Variants in PRDX3 observed in about 807,000 individuals in gnomAD.
The protein encoded by PRDX3 is peroxiredoxin 3.
In PRDX3, 20 loss-of-function variants were observed where a neutral mutation model predicts 30.4. The ratio of observed to expected loss-of-function variants is 0.66; its 90% CI spans 0.46 to 0.96. The LOEUF (loss-of-function observed/expected upper bound fraction) is 0.96. Among genes scored for constraint, PRDX3 ranks in the 40% least tolerant of loss-of-function variants. The probability of loss-of-function intolerance (pLI) is 0.00; values close to 1 mark genes in which losing one functional copy is unlikely to be tolerated. For synonymous variants in PRDX3, 124 were observed against 117.8 expected (o/e 1.05, Z -0.34); for missense variants, 322 against 318.3 (o/e 1.01, Z -0.09).
rs1382872701 is a variant in PRDX3, at chr10:119,177,056, C to A, written c.134G>T (p.Cys45Phe). The change falls in exon 2 of 7, where the codon TGT (cysteine) becomes TTT (phenylalanine). Residue 45 changes from cysteine (C) to phenylalanine (F), a missense_variant. Transcript: ENST00000298510. ...CGRTSLTNLL[C>F]SGSSQAKLFS... is the part of the protein sequence containing the mutation. ...TAATTTTGCTTGACTGGAACCAGAA[C>A]ACAATAAATTTGTCAAGCTCGTTCT... is the stretch of plus-strand genomic sequence containing the variant. The A allele has an allele frequency of 3.1e-6, 5 of 1,613,986 alleles. No homozygotes were observed. The highest frequency in any genetic ancestry group is 4.2e-6 in the Non-Finnish European group (5 of 1,179,974).
intron 5 of PRDX3, among the ~76,000 whole-genome samples, chr10:119,172,163 T>G (rs571406208): frequency 3.9e-5 from 6 of 152,222 alleles, no homozygotes; most frequent in African/African-American, 1.4e-4. Context: ...AGGGATGAGG[T>G]CTCACTATGT....
At chr10:119,172,955 T>C (rs1264504843) in intron 4 of PRDX3, among the ~76,000 whole-genome samples, 1 of 152,036 alleles carries the variant, frequency 6.6e-6, no homozygotes, top group Admixed American at 6.5e-5. Flanking sequence ...TTTATTTATT[T>C]TGAGATGGAG....
chr10:119,168,608 C>T, intron 6 of PRDX3, 75 bp from the exon 7 acceptor site: 2 of 1,574,086 alleles, frequency 1.3e-6, no homozygotes, highest in Non-Finnish European at 1.7e-6. Context: ...TGGCAATCTC[C>T]CAATTTTTAA....
chr10:119,175,109 A>G (rs1392802327), intron 2 of PRDX3, among the ~76,000 whole-genome samples: 1 of 152,234 alleles, frequency 6.6e-6, no homozygotes, highest in Non-Finnish European at 1.5e-5. Context: ...CTGCTACAGA[A>G]ACTAAAAAGA....
At chr10:119,172,062 G>A (rs975840933) in intron 5 of PRDX3, among the ~76,000 whole-genome samples, 15 of 152,190 alleles carry the variant, frequency 9.9e-5, no homozygotes, top group Admixed American at 5.2e-4. Flanking sequence ...CTGAGAGACC[G>A]CCAACCCTTG....
rs771619256 is a variant in PRDX3, at chr10:119,169,275, G to A, written c.619C>T (p.Arg207Ter). 16 of 1,613,794 alleles carry A rather than the reference G, an allele frequency of 9.9e-6. No homozygotes were observed. In the East Asian group the frequency reaches 1.6e-4, roughly 16 times the overall value. The change falls in exon 6 of 7, where the codon CGA becomes TGA. Residue 207 changes from arginine (R) to a stop codon, truncating the protein, a stop_gained. Transcript: ENST00000298510. LOFTEE classifies it high-confidence loss of function. ...AAGCGGAGGGTTTCTTCCACGCTTC[G>A]GCCCACTGGGAGATCGTTGACGCTC... ...HLSVNDLPVG[R>*]SVEETLRLVK...
chr10:119,168,765 C>T (rs891268203), intron 6 of PRDX3, among the ~76,000 whole-genome samples: 1 of 152,006 alleles, frequency 6.6e-6, no homozygotes, highest in Non-Finnish European at 1.5e-5. Flanking sequence ...ATCACGAGGT[C>T]AGGAGATCCA....
chr10:119,168,136 G>C lies in PRDX3; in HGVS notation c.*344C>G, dbSNP rs1170937253. The C allele has an allele frequency of 1.3e-5, 3 of 232,472 alleles. No homozygotes were observed. The highest frequency in any genetic ancestry group is 2.5e-5 in the Non-Finnish European group (3 of 120,170). The allele number at this position is 232,472 out of a possible 1,614,324, so 14.4% of individuals were successfully genotyped here. On this transcript the variant is annotated 3_prime_UTR_variant, in exon 7 of 7. Transcript: ENST00000298510. ...TGATCAGAAGCTTTCAATGTGTGTTGCTCTACTTTATTATAGGCAAGATTC... is the reference window on the plus strand; with the variant it reads ...TGATCAGAAGCTTTCAATGTGTGTTCCTCTACTTTATTATAGGCAAGATTC...
rs577053664 is a variant in PRDX3 at position 119,176,893 on chromosome 10, G to A, written c.169+128C>T. 4 of 1,115,774 alleles carry A rather than the reference G, an allele frequency of 3.6e-6. No individual in the cohort carries two copies. In the East Asian group the frequency reaches 7.2e-5, roughly 20 times the overall value. 69.1% of individuals were successfully genotyped at this position (1,115,774 alleles called of 1,614,324 possible). On this transcript the variant is annotated intron_variant, in intron 2 of 6. Coordinates refer to ENST00000298510, the MANE Select transcript of PRDX3 (RefSeq NM_006793.5). ...ACTAACTTGTCTGGGGTGGGACGGG[G>A]GCAGTGCTGTGTTCCTGAAAGCTCC...
chr10:119,172,273 A>G (rs34524935), intron 5 of PRDX3, 109 bp downstream of exon 5: 111,966 of 942,614 alleles, frequency 0.12, 7,185 homozygotes, highest in Middle Eastern at 0.19. Flanking sequence ...CCCAGCCAGG[A>G]TCTTCTGGTT....
intron 3 of PRDX3, 91 bp from the exon 4 acceptor site, chr10:119,173,963 G>A: frequency 7.4e-7 from 1 of 1,354,172 alleles, no homozygotes; most frequent in Non-Finnish European, 1.0e-6. Flanking sequence ...ACTTGCTAAG[G>A]GTAAAAAAGG....
At chr10:119,178,566 GT>G (rs147808789) in intron 1 of PRDX3, among the ~76,000 whole-genome samples, 188 bp downstream of exon 1, 85 of 152,198 alleles carry the variant, frequency 5.6e-4, no homozygotes, top group Non-Finnish European at 9.3e-4. Context: ...CGAGGATGGA[GT>G]GGGGAAGGGC....
chr10:119,177,604 C>A (rs1848068907), intron 1 of PRDX3, among the ~76,000 whole-genome samples: 1 of 149,730 alleles, frequency 6.7e-6, no homozygotes, highest in Admixed American at 6.7e-5. Context: ...GGTTGCAGAG[C>A]CGAGATCGCG....
At chr10:119,176,904 G>T in intron 2 of PRDX3, 117 bp downstream of exon 2, 2 of 1,295,712 alleles carry the variant, frequency 1.5e-6, no homozygotes, top group Non-Finnish European at 2.2e-6. Context: ...GCAGTGCTGT[G>T]TTCCTGAAAG....
chr10:119,178,412 C>T (rs919216635), intron 1 of PRDX3, among the ~76,000 whole-genome samples: 8 of 152,214 alleles, frequency 5.3e-5, no homozygotes, highest in Admixed American at 5.2e-4. Context: ...ATCATTCTTT[C>T]CATCTTAAGT....
At chr10:119,176,998 C>G in intron 2 of PRDX3, 23 bp downstream of exon 2, 1 of 1,613,630 alleles carries the variant, frequency 6.2e-7, no homozygotes, top group Non-Finnish European at 8.5e-7. Context: ...CTGGCTCCAG[C>G]CAAGACATGA....
chr10:119,173,882 A>C lies in PRDX3; in HGVS notation c.312-10T>G, dbSNP rs1177293878. 1 of 1,596,966 alleles carries C rather than the reference A, an allele frequency of 6.3e-7. No homozygotes were observed. Among genetic ancestry groups the C allele is most frequent in the Non-Finnish European group, 8.6e-7 (1 of 1,168,272 alleles). On this transcript the variant is annotated splice_polypyrimidine_tract_variant and intron_variant, in intron 3 of 6. Coordinates refer to ENST00000298510, the MANE Select transcript of PRDX3 (RefSeq NM_006793.5). Reference sequence around the variant, plus strand: ...AGGACACACAAAGGTGCTGGAAAAAAAGGATAGAAATTCTCATTAGAGCAT... The same window carrying C: ...AGGACACACAAAGGTGCTGGAAAAACAGGATAGAAATTCTCATTAGAGCAT...
Position 119,168,253 on chromosome 10 carries a change from A to G in PRDX3, c.*227T>C, listed in dbSNP as rs1445109970. 2 of 817,630 alleles carry G rather than the reference A, an allele frequency of 2.4e-6. No homozygotes were observed. The highest frequency in any genetic ancestry group is 3.6e-6 in the Non-Finnish European group (2 of 562,688). The allele number at this position is 817,630 out of a possible 1,614,324, so 50.6% of individuals were successfully genotyped here. ...AAATTATGTTCTGTAGAAACTAGCT[A>G]GCCAGCCACCAAGATGTTACCAATA... On this transcript the variant is annotated 3_prime_UTR_variant, in exon 7 of 7. Coordinates refer to ENST00000298510, the MANE Select transcript of PRDX3 (RefSeq NM_006793.5).
At chr10:119,171,858 T>C (rs1847915285) in intron 5 of PRDX3, among the ~76,000 whole-genome samples, 1 of 152,208 alleles carries the variant, frequency 6.6e-6, no homozygotes, top group Non-Finnish European at 1.5e-5. Context: ...ATGGTCACCA[T>C]TCCAAGAGAC....
Sources: gnomAD v4.1 joint callset for allele counts (sites outside exome capture counted in the v4.1 genomes callset) on GRCh38, gnomAD v4.1.1 for gene constraint, MANE v1.5 for transcripts, NCBI Gene and HGNC (gene_info 2026-07-23, HGNC 2026-07-21) for gene names.